SLC20A2: variants seen among roughly 807,000 people sequenced by gnomAD.
The protein encoded by SLC20A2 is solute carrier family 20 member 2, also known as sodium-dependent phosphate transporter 2.
SLC20A2 carries 30 observed loss-of-function variants against 61.0 expected under a neutral mutation model. That is an observed-to-expected ratio of 0.49 (90% confidence interval 0.37 to 0.67). The LOEUF (loss-of-function observed/expected upper bound fraction) is 0.67, where lower values mean the gene tolerates loss of function less well. SLC20A2 is among the 30% of genes least tolerant of loss of function. The probability of loss-of-function intolerance (pLI) is 0.00; values close to 1 mark genes in which losing one functional copy is unlikely to be tolerated. For missense variants in SLC20A2, 626 were observed against 866.4 expected (o/e 0.72, Z 3.48); for synonymous variants, 351 against 353.3 (o/e 0.99, Z 0.07).
chr8:42,488,232 C>A lies in SLC20A2; in HGVS notation c.-265+12799G>T, dbSNP rs957885338. Among the ~76,000 whole-genome samples the A allele has an allele frequency of 4.0e-4, 53 of 131,662 alleles. 2 individuals carry two copies. The allele number at this position is 131,662 out of a possible 152,430, so 86.4% of individuals were successfully genotyped here. A position where few individuals can be genotyped will look rare whatever the true frequency, so the allele number is the denominator to read the frequency against. On this transcript the variant is annotated intron_variant, in intron 1 of 10. Coordinates refer to ENST00000520262, the MANE Select transcript of SLC20A2 (RefSeq NM_001257180.2). ...ACAGAGTCTCCCTTTGTGGCCCAGG[C>A]TGGAGTGCAGCGGCTCGATCTCTGC...
chr8:42,516,277 C>G (rs1334196940), intron 1 of SLC20A2, among the ~76,000 whole-genome samples: 1 of 152,158 alleles, frequency 6.6e-6, no homozygotes. Flanking sequence ...ATCACGTAGC[C>G]TTTGAGTCAA....
At chr8:42,461,549 C>G (rs1350820116) in intron 4 of SLC20A2, among the ~76,000 whole-genome samples, 4 of 151,180 alleles carry the variant, frequency 2.6e-5, no homozygotes, top group Non-Finnish European at 2.9e-5. Context: ...CCTCCAAGTT[C>G]AAGCGATTCT....
chr8:42,441,420 G>A (rs1804773216), intron 6 of SLC20A2, among the ~76,000 whole-genome samples: 1 of 151,810 alleles, frequency 6.6e-6, no homozygotes, highest in African/African-American at 2.4e-5. Flanking sequence ...CCAAAGTGCT[G>A]GGATTACAGG....
intron 1 of SLC20A2, chr8:42,537,614 A>G (rs1256361549): frequency 6.6e-6 from 1 of 152,218 alleles, no homozygotes. Flanking sequence ...CTGGTGAATC[A>G]CTGTTCTAGA....
intron 5 of SLC20A2, among the ~76,000 whole-genome samples, chr8:42,456,805 C>A (rs933573990): frequency 4.0e-5 from 6 of 151,876 alleles, no homozygotes; most frequent in African/African-American, 1.2e-4. Context: ...ACCCAGTGCT[C>A]CAGGCCTTCC....
intron 9 of SLC20A2, 147 bp downstream of exon 9, chr8:42,429,917 T>C: frequency 1.7e-6 from 1 of 592,316 alleles, no homozygotes; most frequent in Non-Finnish European, 2.8e-6. Context: ...GCATGCTAGG[T>C]GGGGCCATTC....
At chr8:42,491,695 C>T (rs1441711648) in intron 1 of SLC20A2, among the ~76,000 whole-genome samples, 1 of 151,932 alleles carries the variant, frequency 6.6e-6, no homozygotes. Flanking sequence ...CACTCTATTT[C>T]TCTTGATGAC....
upstream of SLC20A2, chr8:42,501,317 G>A (rs973613258): frequency 1.3e-5 from 2 of 152,186 alleles, no homozygotes; most frequent in Non-Finnish European, 2.9e-5. Context: ...GGCGTGCCCT[G>A]GTGAACAATA....
intron 1 of SLC20A2, among the ~76,000 whole-genome samples, chr8:42,508,258 C>T (rs986389155): frequency 5.9e-5 from 9 of 152,302 alleles, no homozygotes; most frequent in African/African-American, 1.9e-4. Flanking sequence ...GTGGGAAGAT[C>T]GCCTGAGGCC....
chr8:42,497,929 C>T (rs995456615), intron 1 of SLC20A2, among the ~76,000 whole-genome samples: 2 of 152,158 alleles, frequency 1.3e-5, no homozygotes, highest in Non-Finnish European at 2.9e-5. Context: ...AACTCCTTTA[C>T]AAGCTGCAAT....
intron 1 of SLC20A2, chr8:42,535,027 A>G (rs1295924522): frequency 6.6e-6 from 1 of 152,200 alleles, no homozygotes; most frequent in Admixed American, 6.5e-5. Flanking sequence ...GAGTCCTGTC[A>G]CTCATATTTT....
chr8:42,536,521 A>C (rs1161336060), intron 1 of SLC20A2: 3 of 152,200 alleles, frequency 2.0e-5, no homozygotes, highest in Non-Finnish European at 2.9e-5. Context: ...TGCCCCCAAA[A>C]TCATACTGTC....
intron 1 of SLC20A2, among the ~76,000 whole-genome samples, chr8:42,483,320 G>A (rs1343243364): frequency 1.3e-5 from 2 of 152,192 alleles, no homozygotes; most frequent in Admixed American, 6.5e-5. Flanking sequence ...GCAGTAAGGC[G>A]AGATCGTGCC....
chr8:42,496,903 C>T (rs889010225), intron 1 of SLC20A2, among the ~76,000 whole-genome samples: 5 of 152,192 alleles, frequency 3.3e-5, no homozygotes, highest in African/African-American at 1.2e-4. Flanking sequence ...ATAAGCTCCC[C>T]ACCCCCCATA....
At chr8:42,427,026 TA>T (rs919982740) in intron 10 of SLC20A2, among the ~76,000 whole-genome samples, 1 of 152,244 alleles carries the variant, frequency 6.6e-6, no homozygotes, top group African/African-American at 2.4e-5. Context: ...GCTTCTCTGG[TA>T]AGTTTTAAAT....
chr8:42,536,059 T>C (rs1301248458), intron 1 of SLC20A2, among the ~76,000 whole-genome samples: 1 of 152,206 alleles, frequency 6.6e-6, no homozygotes, highest in African/African-American at 2.4e-5. Context: ...GAGTCTGAAA[T>C]GAAGATTAGG....
At chr8:42,420,353 C>G (rs1008019386) in intron 10 of SLC20A2, among the ~76,000 whole-genome samples, 5 of 152,130 alleles carry the variant, frequency 3.3e-5, no homozygotes, top group Non-Finnish European at 5.9e-5. Flanking sequence ...TTTCAAGTTT[C>G]TAACTTCATG....
At chr8:42,527,756 G>A (rs11991041) in intron 1 of SLC20A2, among the ~76,000 whole-genome samples, 7,105 of 151,310 alleles carry the variant, frequency 0.047, 373 homozygotes, top group African/African-American at 0.13. Context: ...CAACAAGAGC[G>A]AAACTCCGTC....
rs145970823 is a variant in SLC20A2 at position 42,430,193 on chromosome 8, G to A, written c.1580C>T (p.Thr527Met). Residue 527 changes from threonine (T) to methionine (M), a missense_variant, in exon 9 of 11, where the codon ACG (threonine) becomes ATG (methionine). Transcript: ENST00000520262. ...LWLIYKQGGV[T>M]QEAATPVWLL... is the part of the protein sequence containing the mutation. ...CCAGACGGGTGTAGCTGCTTCTTGC[G>A]TTACCCCGCCTTGTTTGTAAATCAG... The A allele has an allele frequency of 2.1e-4, 342 of 1,613,836 alleles. No individual in the cohort carries two copies. Among genetic ancestry groups the A allele is most frequent in the Middle Eastern group, 4.9e-4 (3 of 6,084 alleles).
Sources: allele counts gnomAD v4.1 joint callset (sites outside exome capture counted in the v4.1 genomes callset), GRCh38; gene constraint gnomAD v4.1.1; transcripts MANE v1.5; gene names NCBI Gene and HGNC (gene_info 2026-07-23, HGNC 2026-07-21).